The following COL12A1 variants were observed in gnomAD, a reference collection of about 807,000 sequenced individuals.
COL12A1 encodes collagen alpha-1(XII) chain.
In COL12A1, 114 loss-of-function variants were observed where a neutral mutation model predicts 349.7. That is an observed-to-expected ratio of 0.33 (90% confidence interval 0.28 to 0.38). The LOEUF is 0.38. Among genes scored for constraint, COL12A1 ranks in the 10% least tolerant of loss-of-function variants. COL12A1 has a pLI of 1.00. For missense variants in COL12A1, 3,284 were observed against 3,756.9 expected, an observed-to-expected ratio of 0.87 and a Z score of 3.29; for synonymous variants, 1,369 against 1,329.0, an observed-to-expected ratio of 1.03 and a Z score of -0.66.
At chr6:75,157,032 T>C (rs144623610) in intron 14 of COL12A1, among the ~76,000 whole-genome samples, 108 of 152,244 alleles carry the variant, frequency 7.1e-4, no homozygotes, top group African/African-American at 2.5e-3. Context: ...CACAAAAGAA[T>C]AGGAAACTAA....
chr6:75,180,459 T>C (rs1769201346), intron 11 of COL12A1, among the ~76,000 whole-genome samples: 1 of 152,146 alleles, frequency 6.6e-6, no homozygotes, highest in Non-Finnish European at 1.5e-5. Flanking sequence ...ATGTACTTAA[T>C]GCCACTAAAA....
chr6:75,110,878 C>T (rs1768805463), intron 51 of COL12A1, among the ~76,000 whole-genome samples: 1 of 151,804 alleles, frequency 6.6e-6, no homozygotes, highest in African/African-American at 2.4e-5. Context: ...ATCCTTGGCT[C>T]AGTAAAAAAA....
intron 2 of COL12A1, among the ~76,000 whole-genome samples, chr6:75,199,514 T>C (rs1371378192): frequency 6.6e-6 from 1 of 152,182 alleles, no homozygotes; most frequent in Non-Finnish European, 1.5e-5. Flanking sequence ...TAACACTCTG[T>C]TTTTCAGAAA....
At position 75,130,148 on chromosome 6, in the gene COL12A1, T is replaced by C; in HGVS notation, c.6153A>G (p.Pro2051=). 7 of 1,614,136 alleles carry C rather than the reference T, an allele frequency of 4.3e-6. No homozygotes were observed. The highest frequency in any genetic ancestry group is 5.9e-6 in the Non-Finnish European group (7 of 1,179,970). ...LSVAWDHADG[P]VQQYRIIYSP... ...AATAGATGATCCTGTACTGCTGAACTGGCCCATCAGCATGATCCCAGGCTA... is the reference window on the plus strand; with the variant it reads ...AATAGATGATCCTGTACTGCTGAACCGGCCCATCAGCATGATCCCAGGCTA... Residue 2051 remains proline (P), a synonymous_variant, in exon 37 of 66, where the codon CCA becomes CCG. Transcript: ENST00000322507.
At chr6:75,126,626 TC>T (rs1209618355) in intron 38 of COL12A1, among the ~76,000 whole-genome samples, 156 bp from the exon 39 acceptor site, 4 of 152,100 alleles carry the variant, frequency 2.6e-5, no homozygotes, top group Non-Finnish European at 4.4e-5. Flanking sequence ...ATTGAAGTAT[TC>T]AAAAAATGCT....
intron 55 of COL12A1, 110 bp downstream of exon 55, chr6:75,103,647 A>C: frequency 1.2e-6 from 1 of 810,534 alleles, no homozygotes; most frequent in East Asian, 2.6e-5. Flanking sequence ...CCTGAGGCAC[A>C]CTGAACCTGA....
chr6:75,142,535 T>C (rs1766951727), intron 26 of COL12A1, among the ~76,000 whole-genome samples: 1 of 152,212 alleles, frequency 6.6e-6, no homozygotes, highest in Non-Finnish European at 1.5e-5. Flanking sequence ...CACTGGCCAT[T>C]GTACCCCTTT....
At position 75,171,146 on chromosome 6, in the gene COL12A1, T is replaced by A. The variant is rs188436669; in HGVS notation, c.2710+3892A>T. 2.8e-4 allele frequency among the ~76,000 whole-genome samples: 43 copies of A among 152,346 alleles called. No individual in the cohort carries two copies. In the East Asian group the frequency reaches 5.6e-3, roughly 20 times the overall value. ...CAGCAATTAAAGGTTCTTTCAAGAC[T>A]TGAAGTTCAATTACATATACAGTAG... On this transcript the variant is annotated intron_variant, in intron 13 of 65. Transcript: ENST00000322507.
intron 30 of COL12A1, 53 bp downstream of exon 30, chr6:75,138,267 T>C (rs1435938512): frequency 6.6e-7 from 1 of 1,515,094 alleles, no homozygotes; most frequent in Non-Finnish European, 9.1e-7. Flanking sequence ...TTTTCATTTA[T>C]ACATTCATTC....
intron 44 of COL12A1, 80 bp downstream of exon 44, chr6:75,121,222 A>C (rs1463252118): frequency 7.6e-7 from 1 of 1,312,126 alleles, no homozygotes; most frequent in African/African-American, 1.5e-5. Flanking sequence ...TATATTGAAA[A>C]GACTTTTTAC....
intron 55 of COL12A1, 52 bp downstream of exon 55, chr6:75,103,705 C>A: frequency 1.9e-6 from 3 of 1,538,654 alleles, no homozygotes; most frequent in Non-Finnish European, 2.7e-6. Context: ...ATTTGAACAA[C>A]CAGATTTCAA....
intron 24 of COL12A1, among the ~76,000 whole-genome samples, 156 bp from the exon 25 acceptor site, chr6:75,145,611 C>CTTTTTTTTTTTTTTTTTTTTGTTTTTTTT (rs56698330): frequency 8.3e-6 from 1 of 121,190 alleles, no homozygotes; most frequent in South Asian, 2.8e-4. Context: ...CTGATGTTTT[C>CTTTTTTTTTTTTTTTTTTTTGTTTTTTTT]TTTTTTTTTT....
At chr6:75,143,563 C>A (rs1303262693) in intron 25 of COL12A1, among the ~76,000 whole-genome samples, 175 bp from the exon 26 acceptor site, 2 of 151,996 alleles carry the variant, frequency 1.3e-5, no homozygotes, top group African/African-American at 2.4e-5. Flanking sequence ...AGACTGAATT[C>A]TTCTTAAGAA....
chr6:75,101,977 G>C (rs756909046), intron 57 of COL12A1, 22 bp downstream of exon 57: 2 of 1,613,508 alleles, frequency 1.2e-6, no homozygotes, highest in East Asian at 4.5e-5. Flanking sequence ...CACATGACAG[G>C]GCAACTTAGA....
At chr6:75,126,559 A>T in intron 38 of COL12A1, 89 bp from the exon 39 acceptor site, 2 of 1,380,972 alleles carry the variant, frequency 1.4e-6, no homozygotes, top group African/African-American at 1.4e-5. Flanking sequence ...GGAAAGCCCA[A>T]TGGGAGCAAT....
rs1304310940 is a variant in COL12A1, at chr6:75,184,017, G to T, written c.1125C>A (p.Ser375Arg). ...GCCCCACACTCAGAGCGTGCTGTCG[G>T]CTTCCTGCAGTCATTGGTGTGAGGA... ...KVILTPMTAG[S>R]RQHALSVGPQ... Residue 375 changes from serine (S) to arginine (R), a missense_variant, in exon 9 of 66, where the codon AGC becomes AGA. Transcript: ENST00000322507. The T allele has an allele frequency of 1.2e-6, 2 of 1,614,022 alleles. No individual in the cohort carries two copies. Among genetic ancestry groups the T allele is most frequent in the Non-Finnish European group, 1.7e-6 (2 of 1,180,044 alleles).
intron 14 of COL12A1, among the ~76,000 whole-genome samples, chr6:75,162,787 T>A (rs1258946820): frequency 6.6e-6 from 1 of 152,104 alleles, no homozygotes; most frequent in African/African-American, 2.4e-5. Flanking sequence ...ATATCCAGAA[T>A]CTACAAAGAA....
chr6:75,091,737 A>G (rs900249564), intron 60 of COL12A1, among the ~76,000 whole-genome samples: 2 of 152,018 alleles, frequency 1.3e-5, no homozygotes, highest in African/African-American at 2.4e-5. Context: ...CTCTCTCTGA[A>G]GCACATGTCC....
chr6:75,133,952 G>A lies in COL12A1; in HGVS notation c.5570C>T (p.Thr1857Ile), dbSNP rs1239883407. 4 of 1,613,948 alleles carry A rather than the reference G, an allele frequency of 2.5e-6. No individual in the cohort carries two copies. Among genetic ancestry groups the A allele is most frequent in the Admixed American group, 1.7e-5 (1 of 59,986 alleles). ...GTCCCAGCGGACATTCAAGGTGCTG[G>A]TAGAAGGGTCATACACTCTCAGGTT... Reference protein sequence around the residue: ...VRNLRVYDPSTSTLNVRWDHA... With the variant: ...VRNLRVYDPSISTLNVRWDHA... Residue 1857 changes from threonine to isoleucine, a missense_variant, in exon 33 of 66, where the codon ACC (threonine) becomes ATC (isoleucine). This residue lies in a region of COL12A1 where 2,601 missense variants were observed against 2,824.8 expected (regional missense o/e 0.92). Coordinates refer to ENST00000322507, the MANE Select transcript of COL12A1 (RefSeq NM_004370.6).
Sources: gnomAD v4.1 joint callset for allele counts (sites outside exome capture counted in the v4.1 genomes callset) on GRCh38, gnomAD v4.1.1 for gene constraint, gnomAD v4.1.1 regional missense constraint, MANE v1.5 for transcripts, NCBI Gene and HGNC (gene_info 2026-07-23, HGNC 2026-07-21) for gene names.